Variants in ERAP1 observed in about 807,000 individuals in gnomAD.
The protein encoded by ERAP1 is adipocyte-derived leucine aminopeptidase.
ERAP1 carries 86 observed loss-of-function variants against 103.7 expected under a neutral mutation model. The ratio of observed to expected loss-of-function variants is 0.83; its 90% CI spans 0.70 to 0.99. ERAP1 has a LOEUF of 0.99. ERAP1 is among the 50% of genes least tolerant of loss of function. The probability of loss-of-function intolerance (pLI) is 0.00; values close to 1 mark genes in which losing one functional copy is unlikely to be tolerated. For synonymous variants in ERAP1, 398 were observed against 402.4 expected (o/e 0.99, Z 0.13); for missense variants, 1,009 against 1,128.4 (o/e 0.89, Z 1.52).
chr5:96,791,554 A>C (rs1396698930), intron 8 of ERAP1, among the ~76,000 whole-genome samples: 1 of 152,218 alleles, frequency 6.6e-6, no homozygotes, highest in Non-Finnish European at 1.5e-5. Context: ...TGCAAAGAAC[A>C]TACAGTGGCC....
At chr5:96,800,058 T>C (rs1461517438) in intron 3 of ERAP1, among the ~76,000 whole-genome samples, 1 of 152,246 alleles carries the variant, frequency 6.6e-6, no homozygotes, top group Non-Finnish European at 1.5e-5. Flanking sequence ...CCCTCAGGAC[T>C]CTAGGCAAAG....
At chr5:96,779,007 A>G (rs1398034551) in intron 18 of ERAP1, among the ~76,000 whole-genome samples, 1 of 152,128 alleles carries the variant, frequency 6.6e-6, no homozygotes, top group Non-Finnish European at 1.5e-5. Context: ...TCTGCACACA[A>G]TACTCCTCTA....
At chr5:96,783,281 C>A in intron 14 of ERAP1, 46 bp from the exon 15 acceptor site, 2 of 1,550,722 alleles carry the variant, frequency 1.3e-6, no homozygotes, top group South Asian at 1.2e-5. Flanking sequence ...TGTCACAGGT[C>A]ATTTCATGTT....
chr5:96,856,896 C>T, the ERAP1 span, among the ~76,000 whole-genome samples: 1 of 152,330 alleles, frequency 6.6e-6, no homozygotes, highest in East Asian at 1.9e-4. Flanking sequence ...TTTGTGGGCA[C>T]AGACCACCCA....
chr5:96,902,299 T>C, the ERAP1 span: 17 of 1,611,714 alleles, frequency 1.1e-5, no homozygotes, highest in Non-Finnish European at 1.4e-5. Flanking sequence ...CCCATTGACC[T>C]ACTCCACGAG....
chr5:96,889,370 T>C, the ERAP1 span: 2 of 1,543,364 alleles, frequency 1.3e-6, no homozygotes, highest in Non-Finnish European at 1.8e-6. Context: ...ATCTCTTCCC[T>C]CTTTCTCTTT....
the ERAP1 span, among the ~76,000 whole-genome samples, chr5:96,818,441 T>C: frequency 9.7e-3 from 1,436 of 148,778 alleles, 4 homozygotes; most frequent in Non-Finnish European, 0.014. Flanking sequence ...TTTTTTTTTT[T>C]CCTTTATGTT....
At position 96,780,409 on chromosome 5, in the gene ERAP1, T is replaced by A. The variant is rs775194541; in HGVS notation, c.2670+14A>T. The A allele has an allele frequency of 2.2e-6, 1 of 447,256 alleles. No homozygotes were observed. Among genetic ancestry groups the A allele is most frequent in the Non-Finnish European group, 3.3e-6 (1 of 303,764 alleles). The allele number at this position is 447,256 out of a possible 1,614,324, so 27.7% of individuals were successfully genotyped here. ...TTATGTTTAAAAATATATATATAGA[T>A]TTTTTTTTTTTACCTCTTCAAGCCG... On this transcript the variant is annotated intron_variant, in intron 18 of 18. Coordinates refer to ENST00000443439, the MANE Select transcript of ERAP1 (RefSeq NM_001040458.3).
chr5:96,825,669 A>G, the ERAP1 span, among the ~76,000 whole-genome samples: 1 of 152,200 alleles, frequency 6.6e-6, no homozygotes, highest in Non-Finnish European at 1.5e-5. Flanking sequence ...CAGATTAAAC[A>G]CTTTCAATAG....
the ERAP1 span, among the ~76,000 whole-genome samples, chr5:96,833,712 C>T: frequency 6.6e-6 from 1 of 151,338 alleles, no homozygotes; most frequent in Non-Finnish European, 1.5e-5. Context: ...GCAGGGGAAT[C>T]GCTTGAACCC....
At chr5:96,901,405 C>T in the ERAP1 span, 1 of 1,332,314 alleles carries the variant, frequency 7.5e-7, no homozygotes, top group Non-Finnish European at 1.0e-6. Flanking sequence ...CTTCTGTTCC[C>T]CAAGCCTTGT....
chr5:96,831,262 C>T, the ERAP1 span, among the ~76,000 whole-genome samples: 1 of 152,152 alleles, frequency 6.6e-6, no homozygotes, highest in East Asian at 1.9e-4. Context: ...TTCACTCACT[C>T]ACTATCACCA....
chr5:96,828,797 C>T, the ERAP1 span, among the ~76,000 whole-genome samples: 1 of 152,214 alleles, frequency 6.6e-6, no homozygotes, highest in African/African-American at 2.4e-5. Flanking sequence ...TAAGAAATTA[C>T]CCATTTACTG....
At chr5:96,879,990 G>A in the ERAP1 span, 3 of 1,614,044 alleles carry the variant, frequency 1.9e-6, no homozygotes, top group Non-Finnish European at 2.5e-6. Flanking sequence ...GTCTTGGTCA[G>A]CAATGCTACC....
chr5:96,916,457 T>A, the ERAP1 span, among the ~76,000 whole-genome samples: 69 of 29,610 alleles, frequency 2.3e-3, no homozygotes, highest in Admixed American at 4.4e-3. Flanking sequence ...TCTAGTTATC[T>A]TTTTTTTTTT....
chr5:96,774,714 A>G lies in ERAP1; in HGVS notation c.*1682T>C. The G allele has an allele frequency of 1.0e-5, 10 of 983,092 alleles. No homozygotes were observed. The highest frequency in any genetic ancestry group is 1.2e-5 in the Non-Finnish European group (10 of 827,708). 60.9% of individuals were successfully genotyped at this position (983,092 alleles called of 1,614,324 possible). ...GTTGTGTATTTTTTTAAAAGAAGGG[A>G]AATAGTTTAGTTTGGGGTGGAAATT... On this transcript the variant is annotated 3_prime_UTR_variant, in exon 19 of 19. Transcript: ENST00000443439.
At chr5:96,835,575 C>T in the ERAP1 span, among the ~76,000 whole-genome samples, 13 of 152,178 alleles carry the variant, frequency 8.5e-5, no homozygotes, top group Admixed American at 3.9e-4. Flanking sequence ...ACAATTATTG[C>T]TGATTGTTTT....
the ERAP1 span, chr5:96,895,451 A>G: frequency 2.2e-6 from 2 of 917,526 alleles, no homozygotes; most frequent in Non-Finnish European, 3.4e-6. Context: ...CAGAAAAACT[A>G]CATAATGTTG....
intron 2 of ERAP1, 64 bp from the exon 3 acceptor site, chr5:96,801,064 T>G: frequency 2.5e-6 from 4 of 1,571,960 alleles, no homozygotes; most frequent in Non-Finnish European, 3.5e-6. Context: ...AAACAGGTGT[T>G]TGCTTTTTAA....
Sources: allele counts gnomAD v4.1 joint callset (sites outside exome capture counted in the v4.1 genomes callset), GRCh38; gene constraint gnomAD v4.1.1; transcripts MANE v1.5; gene names NCBI Gene and HGNC (gene_info 2026-07-23, HGNC 2026-07-21).